Variants in OXR1 observed in about 807,000 individuals in gnomAD.
OXR1 encodes oxidation resistance 1, also known as oxidation resistance protein 1.
A neutral mutation model predicts 104.6 loss-of-function variants in OXR1; 41 were observed. The observed-to-expected ratio is 0.39, with a 90% CI of 0.31 to 0.51. OXR1 has a LOEUF of 0.51. Among genes scored for constraint, OXR1 ranks in the 20% least tolerant of loss-of-function variants. The probability of loss-of-function intolerance (pLI) is 0.77; values close to 1 mark genes in which losing one functional copy is unlikely to be tolerated. For missense variants in OXR1, 955 were observed against 1,031.9 expected, an observed-to-expected ratio of 0.93 and a Z score of 1.02; for synonymous variants, 348 against 348.4, an observed-to-expected ratio of 1.00 and a Z score of 0.01.
intron 2 of OXR1, among the ~76,000 whole-genome samples, chr8:106,419,683 C>T (rs964297797): frequency 1.6e-4 from 25 of 152,224 alleles, no homozygotes; most frequent in Admixed American, 9.8e-4. Flanking sequence ...TTTAGTTTCT[C>T]CCTGGTTCTT....
At chr8:106,312,017 A>G (rs562339926) in intron 1 of OXR1, among the ~76,000 whole-genome samples, 1 of 111,946 alleles carries the variant, frequency 8.9e-6, no homozygotes, top group African/African-American at 3.5e-5. Context: ...CCCCCTGCCC[A>G]CAGACCTTTT....
chr8:106,485,877 G>A lies in OXR1; in HGVS notation c.24-33066G>A, dbSNP rs553086213. Among the ~76,000 whole-genome samples, 9 of 151,464 alleles carry A rather than the reference G, an allele frequency of 5.9e-5. No homozygotes were observed. In the South Asian group the frequency reaches 1.9e-3, roughly 32 times the overall value. On this transcript the variant is annotated intron_variant, in intron 2 of 16. Coordinates refer to ENST00000517566, the MANE Select transcript of OXR1 (RefSeq NM_001198533.2). ...AGGCACAAAAAGACAAATTTGCACA[G>A]TGTCACTGATATGTGGAACCTAAAA...
At position 106,569,038 on chromosome 8, in the gene OXR1, G is replaced by A. The variant is rs181976248; in HGVS notation, c.220+49899G>A. Among the ~76,000 whole-genome samples the A allele has an allele frequency of 3.7e-3, 563 of 152,144 alleles. 3 individuals carry two copies. Among genetic ancestry groups the A allele is most frequent in the Non-Finnish European group, 6.4e-3 (434 of 67,974 alleles). The stretch of plus-strand genomic sequence containing the variant: ...ACATGCTGGACACAGGGTACGTACT[G>A]GATACCCTTTTAAACTTAGTATATT... On this transcript the variant is annotated intron_variant, in intron 3 of 16. Transcript: ENST00000517566.
chr8:106,436,473 C>T (rs1819574574), intron 2 of OXR1, among the ~76,000 whole-genome samples: 1 of 150,384 alleles, frequency 6.6e-6, no homozygotes, highest in Non-Finnish European at 1.5e-5. Flanking sequence ...AATATGAGCT[C>T]AATTACTCCT....
At chr8:106,291,776 T>G (rs1419193516) in intron 1 of OXR1, among the ~76,000 whole-genome samples, 2 of 152,128 alleles carry the variant, frequency 1.3e-5, no homozygotes, top group Non-Finnish European at 2.9e-5. Context: ...CTCACAATCA[T>G]GGCAGAAGGC....
chr8:106,460,433 G>A (rs1399802250), intron 2 of OXR1, among the ~76,000 whole-genome samples: 1 of 152,134 alleles, frequency 6.6e-6, no homozygotes, highest in Non-Finnish European at 1.5e-5. Flanking sequence ...ATTCTAATGA[G>A]ACACAAAGAC....
intron 3 of OXR1, among the ~76,000 whole-genome samples, chr8:106,577,072 G>A (rs1286635293): frequency 6.6e-6 from 1 of 151,938 alleles, no homozygotes; most frequent in African/African-American, 2.4e-5. Flanking sequence ...AATAGTCATC[G>A]GCAGACTTTC....
intron 2 of OXR1, among the ~76,000 whole-genome samples, chr8:106,391,619 A>G (rs1327359479): frequency 1.3e-5 from 2 of 152,092 alleles, no homozygotes; most frequent in African/African-American, 2.4e-5. Context: ...TTTTTTTCAA[A>G]CCACAGTTTG....
intron 3 of OXR1, among the ~76,000 whole-genome samples, chr8:106,540,852 C>T (rs951685284): frequency 4.6e-5 from 7 of 152,126 alleles, no homozygotes; most frequent in Admixed American, 1.3e-4. Flanking sequence ...TTCACTATCA[C>T]GAGAACAGTG....
At chr8:106,450,865 C>A (rs1820275588) in intron 2 of OXR1, among the ~76,000 whole-genome samples, 2 of 151,636 alleles carry the variant, frequency 1.3e-5, no homozygotes, top group Non-Finnish European at 2.9e-5. Context: ...TTCTTAAGAA[C>A]AAACAGCTTA....
At chr8:106,524,854 A>C (rs940760337) in intron 3 of OXR1, among the ~76,000 whole-genome samples, 10 of 152,126 alleles carry the variant, frequency 6.6e-5, no homozygotes, top group African/African-American at 2.4e-4. Context: ...AAATGGAGAA[A>C]TCTCAGATTG....
At chr8:106,611,932 A>C (rs1820841922) in intron 3 of OXR1, among the ~76,000 whole-genome samples, 1 of 110,416 alleles carries the variant, frequency 9.1e-6, no homozygotes, top group African/African-American at 4.5e-5. Flanking sequence ...TGGTAAAAAC[A>C]CATAAAAACA....
intron 2 of OXR1, among the ~76,000 whole-genome samples, chr8:106,438,803 G>A (rs1353586584): frequency 6.6e-6 from 1 of 152,116 alleles, no homozygotes; most frequent in Non-Finnish European, 1.5e-5. Flanking sequence ...TGTCCAATAA[G>A]TGTGGAATTA....
At position 106,381,495 on chromosome 8, in the gene OXR1, A is replaced by C. The variant is rs376990571; in HGVS notation, c.23+21859A>C. Among the ~76,000 whole-genome samples, 30 of 152,240 alleles carry C rather than the reference A, an allele frequency of 2.0e-4. No individual in the cohort carries two copies. In the East Asian group the frequency reaches 5.6e-3, roughly 28 times the overall value. On this transcript the variant is annotated intron_variant, in intron 2 of 16. Transcript: ENST00000517566. ...AGAAGGGTAGGGCAGAATCTCAGTG[A>C]GGTAGGCAGGGAAGAATACAGAACT... is the stretch of plus-strand genomic sequence containing the variant.
chr8:106,324,572 C>G (rs1814381107), intron 1 of OXR1, among the ~76,000 whole-genome samples: 1 of 151,314 alleles, frequency 6.6e-6, no homozygotes, highest in African/African-American at 2.4e-5. Flanking sequence ...TTAGAACTCT[C>G]TGGCAATACA....
intron 3 of OXR1, among the ~76,000 whole-genome samples, chr8:106,670,699 G>A (rs976355741): frequency 4.6e-5 from 7 of 152,126 alleles, no homozygotes; most frequent in African/African-American, 1.7e-4. Context: ...AGTCAAAAGG[G>A]AATGTTCAGA....
chr8:106,653,175 A>AGAG (rs1824764897), intron 3 of OXR1, among the ~76,000 whole-genome samples: 1 of 151,386 alleles, frequency 6.6e-6, no homozygotes, highest in African/African-American at 2.4e-5. Flanking sequence ...GGTGAATTCT[A>AGAG]CCAAACATTT....
At chr8:106,547,670 T>C (rs1160820257) in intron 3 of OXR1, among the ~76,000 whole-genome samples, 2 of 151,840 alleles carry the variant, frequency 1.3e-5, no homozygotes, top group African/African-American at 4.8e-5. Context: ...TTTTTGTACA[T>C]TTAGTAGAGA....
chr8:106,482,178 C>G (rs1822166229), intron 2 of OXR1, among the ~76,000 whole-genome samples: 1 of 151,970 alleles, frequency 6.6e-6, no homozygotes, highest in South Asian at 2.1e-4. Flanking sequence ...TCAAGCTGCC[C>G]TCATGGCCTT....
Sources: gnomAD v4.1 joint callset for allele counts (sites outside exome capture counted in the v4.1 genomes callset) on GRCh38, gnomAD v4.1.1 for gene constraint, MANE v1.5 for transcripts, NCBI Gene and HGNC (gene_info 2026-07-23, HGNC 2026-07-21) for gene names.